PKIG: variants seen among roughly 807,000 people sequenced by gnomAD.
The protein encoded by PKIG is cAMP-dependent protein kinase inhibitor gamma.
Under a neutral mutation model 6.8 loss-of-function variants are expected in PKIG, and 1 was observed. The observed-to-expected ratio is 0.15, with a 90% confidence interval of 0.05 to 0.69. The LOEUF (loss-of-function observed/expected upper bound fraction) is 0.69, where lower values mean the gene tolerates loss of function less well. Among genes scored for constraint, PKIG ranks in the 30% least tolerant of loss-of-function variants. PKIG has a pLI of 0.82. For missense variants in PKIG, 77 were observed against 104.0 expected, an observed-to-expected ratio of 0.74 and a Z score of 1.13; for synonymous variants, 39 against 43.0, an observed-to-expected ratio of 0.91 and a Z score of 0.36.
intron 1 of PKIG, among the ~76,000 whole-genome samples, chr20:44,568,271 G>A (rs2018435929): frequency 6.6e-6 from 1 of 151,780 alleles, no homozygotes; most frequent in Non-Finnish European, 1.5e-5. Flanking sequence ...TTTTCTTTTT[G>A]TAGAAGTAAT....
rs77039520 is a variant in PKIG, at chr20:44,561,209, C to T, written c.-240-21376C>T. Among the ~76,000 whole-genome samples the T allele has an allele frequency of 3.3e-3, 505 of 152,188 alleles. 5 individuals are homozygous for T. Among genetic ancestry groups the T allele is most frequent in the African/African-American group, 0.012 (490 of 41,522 alleles). On this transcript the variant is annotated intron_variant, in intron 1 of 4. Coordinates refer to the PKIG transcript ENST00000372887. ...AAAATTAGCTGGATGTGGTGGCGGG[C>T]GCCTGTGATCTCAGCTACTTGAGAG...
intron 3 of PKIG, among the ~76,000 whole-genome samples, chr20:44,617,348 A>G (rs1409911056): frequency 6.6e-6 from 1 of 152,146 alleles, no homozygotes; most frequent in Non-Finnish European, 1.5e-5. Context: ...CTCTGCCCAC[A>G]TGCCAGGCCC....
chr20:44,558,439 A>G (rs1034805361), intron 1 of PKIG, among the ~76,000 whole-genome samples: 2 of 152,212 alleles, frequency 1.3e-5, no homozygotes, highest in Non-Finnish European at 2.9e-5. Flanking sequence ...ACACTCTAAA[A>G]TAGTAAGTAT....
In PKIG at chr20:44,618,482, A is replaced by G. The variant is rs1298607577; in HGVS notation, c.*118A>G. 1.3e-6 allele frequency: 1 copy of G among 751,918 alleles called. No homozygotes were observed. Among genetic ancestry groups the G allele is most frequent in the Admixed American group, 2.0e-5 (1 of 51,112 alleles). 46.6% of individuals were successfully genotyped at this position (751,918 alleles called of 1,614,324 possible). ...CTCCATGTCCCAGATAAACCAGGCC[A>G]GACTGAGAAGGCTCCCCAGAGGCCT... On this transcript the variant is annotated 3_prime_UTR_variant, in exon 4 of 4. Coordinates refer to ENST00000372886, the MANE Select transcript of PKIG (RefSeq NM_001281445.2).
intron 1 of PKIG, among the ~76,000 whole-genome samples, chr20:44,575,863 G>T (rs576314331): frequency 6.6e-6 from 1 of 152,152 alleles, no homozygotes; most frequent in East Asian, 1.9e-4. Flanking sequence ...TTAATTTTTT[G>T]GCCCTTCTGA....
intron 2 of PKIG, among the ~76,000 whole-genome samples, chr20:44,605,558 T>C (rs1384223277): frequency 2.0e-5 from 3 of 152,050 alleles, no homozygotes; most frequent in Non-Finnish European, 2.9e-5. Flanking sequence ...GGCTCGCTAA[T>C]TCATACCTTA....
Position 44,618,270 on chromosome 20 carries a change from T to C in PKIG, c.152-15T>C, listed in dbSNP as rs1459158510. 2.5e-6 allele frequency: 4 copies of C among 1,589,188 alleles called. No individual in the cohort carries two copies. The highest frequency in any genetic ancestry group is 1.1e-5 in the South Asian group (1 of 90,556). Reference sequence around the variant, plus strand: ...GTATATGTGCCCAAGAAAAACCTCTTTCTCTCCTCTCCAGAAGGACAGGTG... The same window carrying C: ...GTATATGTGCCCAAGAAAAACCTCTCTCTCTCCTCTCCAGAAGGACAGGTG... On this transcript the variant is annotated splice_polypyrimidine_tract_variant and intron_variant, in intron 3 of 3. Transcript: ENST00000372886.
chr20:44,615,702 G>A (rs1274130212), intron 3 of PKIG, among the ~76,000 whole-genome samples: 2 of 152,220 alleles, frequency 1.3e-5, no homozygotes, highest in African/African-American at 2.4e-5. Context: ...TGGGCTGTCC[G>A]GAGGGCCACA....
Position 44,614,591 on chromosome 20 carries a change from T to A in PKIG, c.35T>A (p.Ile12Asn), listed in dbSNP as rs770744801. Reference protein sequence around the residue: ...MEVESSYSDFISCDRTGRRNA... With the variant: ...MEVESSYSDFNSCDRTGRRNA... ...GTCGAGTCCTCCTACTCGGACTTCA[T>A]CTCCTGTGACCGGACAGGCCGTCGG... Residue 12 changes from isoleucine (I) to asparagine (N), a missense_variant, in exon 3 of 4, where the codon ATC becomes AAC. Ile to Asn is a moderately radical substitution (Grantham distance 149, BLOSUM62 -3). Transcript: ENST00000372886. The surrounding 1 kb of genome is among the most constrained non-coding windows in gnomAD (Gnocchi z 4.6). 1 of 1,614,054 alleles carries A rather than the reference T, an allele frequency of 6.2e-7. No individual in the cohort carries two copies. Among genetic ancestry groups the A allele is most frequent in the South Asian group, 1.1e-5 (1 of 91,082 alleles).
intron 2 of PKIG, among the ~76,000 whole-genome samples, chr20:44,609,953 AT>A (rs2065199324): frequency 6.6e-6 from 1 of 152,160 alleles, no homozygotes; most frequent in South Asian, 2.1e-4. Context: ...TGTCAGCATC[AT>A]TTTTATCCTC....
chr20:44,540,682 A>G (rs1465771036), intron 1 of PKIG, among the ~76,000 whole-genome samples: 1 of 152,024 alleles, frequency 6.6e-6, no homozygotes, highest in East Asian at 1.9e-4. Context: ...GGGTTCAAAG[A>G]TTCTCCTGCC....
rs1034792048 is a variant in PKIG, at chr20:44,614,422, A to G, written c.-23-112A>G. On this transcript the variant is annotated intron_variant, in intron 2 of 3. Transcript: ENST00000372886. This position sits in a 1 kb window ranked among gnomAD's most constrained non-coding sequence, Gnocchi z 4.6. ...TGTGCTTTTTGCTTTGTTTTCAATA[A>G]GAGGCAATAACTGTCATTTTGACAG... is the stretch of plus-strand genomic sequence containing the variant. The G allele has an allele frequency of 8.2e-6, 6 of 733,598 alleles. No individual in the cohort carries two copies. The highest frequency in any genetic ancestry group is 9.0e-6 in the Non-Finnish European group (4 of 442,596). The allele number at this position is 733,598 out of a possible 1,614,324, so 45.4% of individuals were successfully genotyped here. A position where few individuals can be genotyped will look rare whatever the true frequency, so the allele number is the denominator to read the frequency against.
In PKIG at chr20:44,607,852, T is replaced by A. The variant is rs185501846; in HGVS notation, c.-23-6682T>A. Among the ~76,000 whole-genome samples the A allele has an allele frequency of 6.8e-3, 1,024 of 151,502 alleles. 17 individuals carry two copies. Among genetic ancestry groups the A allele is most frequent in the African/African-American group, 0.023 (960 of 41,258 alleles). ...GGCGCCCACTACCACGCCCAGCTAA[T>A]TTTTTGCATTTTTAGTAGAGACGGG... On this transcript the variant is annotated intron_variant, in intron 2 of 3. Coordinates refer to ENST00000372886, the MANE Select transcript of PKIG (RefSeq NM_001281445.2).
At position 44,603,731 on chromosome 20, in the gene PKIG, A is replaced by T. The variant is rs553271346; in HGVS notation, c.-23-10803A>T. ...TCTACAACAACTTTTCATTAATTGA[A>T]CAGGTATTTGCCCTGTGATGGTCCT... On this transcript the variant is annotated intron_variant, in intron 2 of 3. Transcript: ENST00000372886. Among the ~76,000 whole-genome samples, 4 of 152,294 alleles carry T rather than the reference A, an allele frequency of 2.6e-5. No individual in the cohort carries two copies. In the South Asian group the frequency reaches 8.3e-4, roughly 32 times the overall value.
intron 2 of PKIG, among the ~76,000 whole-genome samples, chr20:44,594,458 G>A (rs1364450289): frequency 6.6e-6 from 1 of 152,154 alleles, no homozygotes; most frequent in Non-Finnish European, 1.5e-5. Context: ...GTTCCTAGGA[G>A]GAAAGGACTC....
intron 1 of PKIG, among the ~76,000 whole-genome samples, chr20:44,573,826 A>G (rs1354195461): frequency 6.6e-6 from 1 of 152,244 alleles, no homozygotes; most frequent in African/African-American, 2.4e-5. Context: ...TAATGTGGAT[A>G]TATTCACTCT....
At chr20:44,555,593 A>G (rs1001283271) in intron 1 of PKIG, among the ~76,000 whole-genome samples, 5 of 152,194 alleles carry the variant, frequency 3.3e-5, no homozygotes, top group African/African-American at 9.7e-5. Context: ...CTTTGTTGAT[A>G]CTTGAGGATT....
intron 1 of PKIG, among the ~76,000 whole-genome samples, chr20:44,572,733 G>T (rs1600862659): frequency 6.6e-6 from 1 of 152,246 alleles, no homozygotes; most frequent in East Asian, 1.9e-4. Context: ...CCATTGTTCA[G>T]ATGCCAGCAC....
At chr20:44,532,756 G>T (rs528181739) in intron 1 of PKIG, among the ~76,000 whole-genome samples, 1 of 152,166 alleles carries the variant, frequency 6.6e-6, no homozygotes, top group South Asian at 2.1e-4. Flanking sequence ...AGACATGAAG[G>T]CTGTCTTTAT....
Sources: gnomAD v4.1 joint callset for allele counts (sites outside exome capture counted in the v4.1 genomes callset) on GRCh38, gnomAD v4.1.1 for gene constraint, Gnocchi (gnomAD v3.1) non-coding constraint, MANE v1.5 for transcripts, NCBI Gene and HGNC (gene_info 2026-07-23, HGNC 2026-07-21) for gene names.